The following MYRFL variants were observed in gnomAD, a reference collection of about 807,000 sequenced individuals.
MYRFL encodes the protein myelin regulatory factor like.
A neutral mutation model predicts 109.4 loss-of-function variants in MYRFL; 88 were observed. The ratio of observed to expected loss-of-function variants is 0.80; its 90% CI spans 0.68 to 0.96. The LOEUF (loss-of-function observed/expected upper bound fraction) is 0.96, where lower values mean the gene tolerates loss of function less well. Among genes scored for constraint, MYRFL ranks in the 40% least tolerant of loss-of-function variants. The pLI is 0.00. For synonymous variants in MYRFL, 324 were observed against 320.9 expected, an observed-to-expected ratio of 1.01 and a Z score of -0.10; for missense variants, 957 against 954.9, an observed-to-expected ratio of 1.00 and a Z score of -0.03.
chr12:69,918,443 G>A (rs2120418183), intron 13 of MYRFL, among the ~76,000 whole-genome samples: 1 of 152,282 alleles, frequency 6.6e-6, no homozygotes, highest in Non-Finnish European at 1.5e-5. Context: ...GAACGAATAG[G>A]ATCAATAAGG....
At chr12:69,908,923 A>G (rs765024132) in intron 11 of MYRFL, among the ~76,000 whole-genome samples, 1 of 151,158 alleles carries the variant, frequency 6.6e-6, no homozygotes, top group Non-Finnish European at 1.5e-5. Context: ...TCCACCCTCC[A>G]CCTTCAAAAG....
At chr12:69,946,145 T>C (rs1298374562) in intron 19 of MYRFL, among the ~76,000 whole-genome samples, 1 of 151,986 alleles carries the variant, frequency 6.6e-6, no homozygotes, top group African/African-American at 2.4e-5. Context: ...AGAAACAAGA[T>C]GAGTGTCTGC....
chr12:69,877,532 T>C (rs17225736), intron 2 of MYRFL, among the ~76,000 whole-genome samples: 31,823 of 152,076 alleles, frequency 0.21, 3,400 homozygotes, highest in South Asian at 0.29. Context: ...TCAGTTATCA[T>C]CTATTCTATT....
intron 1 of MYRFL, among the ~76,000 whole-genome samples, chr12:69,826,969 C>G (rs879802330): frequency 1.3e-5 from 2 of 152,004 alleles, no homozygotes; most frequent in East Asian, 1.9e-4. Flanking sequence ...TCTCTTGACC[C>G]TTTTCAAATG....
intron 1 of MYRFL, among the ~76,000 whole-genome samples, chr12:69,831,802 T>A (rs1433431355): frequency 6.6e-6 from 1 of 152,148 alleles, no homozygotes; most frequent in Admixed American, 6.6e-5. Flanking sequence ...ACATAGTAAG[T>A]GGCTGCAAGG....
At chr12:69,926,907 A>G (rs570688598) in intron 14 of MYRFL, among the ~76,000 whole-genome samples, 173 bp downstream of exon 14, 1 of 67,404 alleles carries the variant, frequency 1.5e-5, no homozygotes, top group East Asian at 7.0e-4. Flanking sequence ...TGATGTGATA[A>G]CTTTCTTAGT....
rs141345779 is a variant in MYRFL at position 69,911,099 on chromosome 12, A to G, written c.1602+169A>G. On this transcript the variant is annotated intron_variant, in intron 13 of 24. Coordinates refer to ENST00000552032, the MANE Select transcript of MYRFL (RefSeq NM_182530.3). ...TCAACTCTCTTATAATTGATATTCAAATTGATCATAAGCACCAAAAAGAAG... is the reference window on the plus strand; with the variant it reads ...TCAACTCTCTTATAATTGATATTCAGATTGATCATAAGCACCAAAAAGAAG... Among the ~76,000 whole-genome samples the G allele has an allele frequency of 6.1e-3, 930 of 152,334 alleles. 19 individuals are homozygous for G. Among genetic ancestry groups the G allele is most frequent in the African/African-American group, 0.021 (870 of 41,558 alleles).
At chr12:69,835,479 A>G (rs184446351) in intron 1 of MYRFL, among the ~76,000 whole-genome samples, 8 of 152,340 alleles carry the variant, frequency 5.3e-5, no homozygotes, top group Admixed American at 1.3e-4. Flanking sequence ...CATGCATGGG[A>G]AACAGTTTCT....
intron 8 of MYRFL, among the ~76,000 whole-genome samples, chr12:69,895,089 T>C (rs1953942149): frequency 6.6e-6 from 1 of 152,226 alleles, no homozygotes; most frequent in Non-Finnish European, 1.5e-5. Context: ...CCATGCTGGG[T>C]ATATGGAGCA....
At chr12:69,904,940 A>T (rs1954307312) in intron 11 of MYRFL, among the ~76,000 whole-genome samples, 1 of 152,208 alleles carries the variant, frequency 6.6e-6, no homozygotes, top group Admixed American at 6.5e-5. Context: ...CAGCCAAGGA[A>T]TGTCCTCCTT....
chr12:69,911,612 C>T (rs1319585076), intron 13 of MYRFL, among the ~76,000 whole-genome samples: 2 of 152,136 alleles, frequency 1.3e-5, no homozygotes, highest in South Asian at 2.1e-4. Flanking sequence ...TCTAAATCTG[C>T]CAGTTCCTTG....
At chr12:69,853,300 C>T (rs1055396655) in intron 1 of MYRFL, among the ~76,000 whole-genome samples, 9 of 151,290 alleles carry the variant, frequency 5.9e-5, no homozygotes, top group Non-Finnish European at 1.0e-4. Flanking sequence ...CGGGCAGAGA[C>T]GCTCCTCACT....
intron 2 of MYRFL, among the ~76,000 whole-genome samples, chr12:69,864,171 C>T (rs901827255): frequency 6.6e-6 from 1 of 152,160 alleles, no homozygotes; most frequent in African/African-American, 2.4e-5. Context: ...AAATTCGAAT[C>T]TGTAAATGTA....
chr12:69,876,938 C>T (rs1885697806), intron 2 of MYRFL, among the ~76,000 whole-genome samples: 1 of 151,936 alleles, frequency 6.6e-6, no homozygotes, highest in Non-Finnish European at 1.5e-5. Context: ...GTAAACCTTT[C>T]CAACTTCTGT....
At chr12:69,892,787 T>C (rs993596591) in intron 7 of MYRFL, among the ~76,000 whole-genome samples, 1 of 152,226 alleles carries the variant, frequency 6.6e-6, no homozygotes, top group African/African-American at 2.4e-5. Context: ...TGGAACATAA[T>C]AGAAATGTAT....
intron 19 of MYRFL, among the ~76,000 whole-genome samples, chr12:69,941,891 A>C (rs1955659484): frequency 6.7e-6 from 1 of 149,976 alleles, no homozygotes; most frequent in Non-Finnish European, 1.5e-5. Flanking sequence ...CTACCATCAG[A>C]GAATACTACA....
intron 15 of MYRFL, among the ~76,000 whole-genome samples, chr12:69,928,180 T>C (rs1371061350): frequency 2.0e-5 from 3 of 152,228 alleles, no homozygotes; most frequent in East Asian, 1.9e-4. Context: ...AATGGAAGAA[T>C]AGGTATTCAC....
chr12:69,886,697 C>T, intron 5 of MYRFL, 123 bp from the exon 6 acceptor site: 1 of 1,183,988 alleles, frequency 8.4e-7, no homozygotes, highest in Non-Finnish European at 1.2e-6. Context: ...CTACCCCCAG[C>T]ACATGACACT....
intron 5 of MYRFL, among the ~76,000 whole-genome samples, chr12:69,886,078 A>C (rs2136335650): frequency 6.6e-6 from 1 of 152,276 alleles, no homozygotes; most frequent in East Asian, 1.9e-4. Flanking sequence ...AACAAACCAA[A>C]ATTCAAAAAA....
Sources: allele counts gnomAD v4.1 joint callset (sites outside exome capture counted in the v4.1 genomes callset), GRCh38; gene constraint gnomAD v4.1.1; transcripts MANE v1.5; gene names NCBI Gene and HGNC (gene_info 2026-07-23, HGNC 2026-07-21).